ENOX1: variants seen among roughly 807,000 people sequenced by gnomAD.
ENOX1 encodes ecto-NOX disulfide-thiol exchanger 1.
ENOX1 carries 42 observed loss-of-function variants against 82.5 expected under a neutral mutation model. That is an observed-to-expected ratio of 0.51 (90% CI 0.40 to 0.66). The LOEUF is 0.66. ENOX1 is among the 30% of genes least tolerant of loss of function. The pLI, the probability that ENOX1 is intolerant of heterozygous loss-of-function variation, is 0.00. For missense variants in ENOX1, 608 were observed against 811.6 expected (o/e 0.75, Z 3.05); for synonymous variants, 271 against 282.2 (o/e 0.96, Z 0.40).
intron 1 of ENOX1, among the ~76,000 whole-genome samples, chr13:43,694,023 A>C (rs907853007): frequency 1.1e-4 from 16 of 152,188 alleles, no homozygotes; most frequent in African/African-American, 3.9e-4. Context: ...GTGACCTTTT[A>C]ATGTTTACCT....
intron 2 of ENOX1, among the ~76,000 whole-genome samples, chr13:43,506,130 T>C (rs1170397628): frequency 6.6e-6 from 1 of 152,090 alleles, no homozygotes; most frequent in Non-Finnish European, 1.5e-5. Context: ...TTGGTACCAG[T>C]ACCATGCTGT....
chr13:43,480,383 G>C (rs1197883197), intron 3 of ENOX1, among the ~76,000 whole-genome samples: 2 of 152,164 alleles, frequency 1.3e-5, no homozygotes, highest in African/African-American at 4.8e-5. Flanking sequence ...TAAAACTTAA[G>C]TGAAATGTAG....
intron 14 of ENOX1, among the ~76,000 whole-genome samples, chr13:43,259,760 C>T (rs774666117): frequency 3.9e-5 from 6 of 152,150 alleles, no homozygotes; most frequent in Non-Finnish European, 7.4e-5. Context: ...AGGTGTGAGC[C>T]ACCGTGCCCG....
At chr13:43,645,639 T>G (rs2083863963) in intron 2 of ENOX1, among the ~76,000 whole-genome samples, 1 of 152,236 alleles carries the variant, frequency 6.6e-6, no homozygotes, top group African/African-American at 2.4e-5. Flanking sequence ...TTGGAAGTTC[T>G]GAACTCCATG....
intron 5 of ENOX1, among the ~76,000 whole-genome samples, chr13:43,387,709 T>TAA (rs1224464692): frequency 6.6e-6 from 1 of 151,954 alleles, no homozygotes; most frequent in African/African-American, 2.4e-5. Context: ...CACACATATA[T>TAA]AAACATATAT....
chr13:43,414,562 G>A (rs1287809567), intron 3 of ENOX1, among the ~76,000 whole-genome samples: 1 of 152,128 alleles, frequency 6.6e-6, no homozygotes, highest in Non-Finnish European at 1.5e-5. Context: ...CTAAATGTCT[G>A]GTCTATTCAC....
chr13:43,426,845 ATAAGG>A (rs1410368605), intron 3 of ENOX1, among the ~76,000 whole-genome samples: 1 of 152,208 alleles, frequency 6.6e-6, no homozygotes, highest in East Asian at 1.9e-4. Context: ...TAAGATAAAA[ATAAGG>A]TAGATGTGAC....
chr13:43,668,435 G>A (rs1001852718), intron 1 of ENOX1, among the ~76,000 whole-genome samples: 4 of 152,126 alleles, frequency 2.6e-5, no homozygotes, highest in Admixed American at 6.5e-5. Context: ...GCACGAATCT[G>A]GAAACAAATA....
chr13:43,398,617 T>TCCTGCCTCC (rs2053297998), intron 5 of ENOX1, among the ~76,000 whole-genome samples: 2 of 152,082 alleles, frequency 1.3e-5, no homozygotes, highest in Non-Finnish European at 2.9e-5. Context: ...TGCCTGCCTC[T>TCCTGCCTCC]CCTGCCTCCC....
At chr13:43,402,524 C>T (rs2053556157) in intron 5 of ENOX1, among the ~76,000 whole-genome samples, 1 of 152,188 alleles carries the variant, frequency 6.6e-6, no homozygotes, top group Non-Finnish European at 1.5e-5. Flanking sequence ...AGAAGTCCAG[C>T]ACAGTCTGTT....
chr13:43,427,438 A>T (rs1294827558), intron 3 of ENOX1, among the ~76,000 whole-genome samples: 1 of 152,124 alleles, frequency 6.6e-6, no homozygotes, highest in African/African-American at 2.4e-5. Flanking sequence ...AGAGCCCAGG[A>T]CTCAATGTAC....
intron 2 of ENOX1, among the ~76,000 whole-genome samples, chr13:43,519,434 C>G (rs552802665): frequency 1.3e-5 from 2 of 152,252 alleles, no homozygotes; most frequent in African/African-American, 4.8e-5. Context: ...ACCTCTATAG[C>G]CTGGTTGGCG....
chr13:43,723,566 T>C (rs536232858), intron 1 of ENOX1, among the ~76,000 whole-genome samples: 2 of 152,290 alleles, frequency 1.3e-5, no homozygotes, highest in East Asian at 3.9e-4. Flanking sequence ...TCATTTCAAG[T>C]AGGTAACAAA....
At chr13:43,606,453 A>G (rs9590775) in intron 2 of ENOX1, among the ~76,000 whole-genome samples, 148,025 of 152,258 alleles carry the variant, frequency 0.97, 72,100 homozygotes, top group East Asian at 1. Context: ...ACACAAGGAG[A>G]TACTATTCAG....
intron 5 of ENOX1, among the ~76,000 whole-genome samples, chr13:43,401,716 G>T (rs544753549): frequency 6.6e-6 from 1 of 152,136 alleles, no homozygotes; most frequent in Non-Finnish European, 1.5e-5. Context: ...TCAAGTTCTC[G>T]AGATCCAGAG....
chr13:43,245,305 C>T (rs963033922), intron 14 of ENOX1, among the ~76,000 whole-genome samples: 2 of 152,216 alleles, frequency 1.3e-5, no homozygotes, highest in African/African-American at 2.4e-5. Context: ...TTCCTGCTCC[C>T]TGATTCCATG....
At chr13:43,612,927 G>A (rs1386657620) in intron 2 of ENOX1, among the ~76,000 whole-genome samples, 1 of 151,948 alleles carries the variant, frequency 6.6e-6, no homozygotes, top group East Asian at 1.9e-4. Flanking sequence ...TTTACATTTT[G>A]TAATAAATAT....
intron 1 of ENOX1, among the ~76,000 whole-genome samples, chr13:43,745,375 AATC>A (rs898980265): frequency 3.9e-5 from 6 of 152,236 alleles, no homozygotes; most frequent in African/African-American, 1.4e-4. Context: ...TAAAACATAA[AATC>A]ATACATATAT....
intron 2 of ENOX1, among the ~76,000 whole-genome samples, chr13:43,647,446 A>G (rs572415458): frequency 6.6e-6 from 1 of 152,332 alleles, no homozygotes; most frequent in South Asian, 2.1e-4. Flanking sequence ...ATTCAGGTGA[A>G]CTTCCCCAGG....
Sources: gnomAD v4.1 joint callset for allele counts (sites outside exome capture counted in the v4.1 genomes callset) on GRCh38, gnomAD v4.1.1 for gene constraint, MANE v1.5 for transcripts, NCBI Gene and HGNC (gene_info 2026-07-23, HGNC 2026-07-21) for gene names.